Variants in SMG9 observed in about 807,000 individuals in gnomAD.
The protein encoded by SMG9 is SMG9 nonsense mediated mRNA decay factor.
In SMG9, 55 loss-of-function variants were observed where a neutral mutation model predicts 64.0. The observed-to-expected ratio is 0.86, with a 90% CI of 0.69 to 1.08. The LOEUF (loss-of-function observed/expected upper bound fraction) is 1.08, where lower values mean the gene tolerates loss of function less well. Ranked by LOEUF, SMG9 falls within the 50% of genes least tolerant of loss-of-function variation. The probability of loss-of-function intolerance (pLI) is 0.00; values close to 1 mark genes in which losing one functional copy is unlikely to be tolerated. For missense variants in SMG9, 554 were observed against 681.3 expected, an observed-to-expected ratio of 0.81 and a Z score of 2.08; for synonymous variants, 244 against 254.8, an observed-to-expected ratio of 0.96 and a Z score of 0.41.
chr19:43,750,501 T>C (rs1334032843), intron 2 of SMG9, 91 bp downstream of exon 2: 2 of 1,441,470 alleles, frequency 1.4e-6, no homozygotes, highest in African/African-American at 2.8e-5. Flanking sequence ...TTTACAAATA[T>C]ATCCCCGGCA....
chr19:43,748,747 C>T (rs974325820), intron 2 of SMG9: 3 of 520,068 alleles, frequency 5.8e-6, no homozygotes, highest in Admixed American at 1.9e-5. Flanking sequence ...CCTTGAGTAA[C>T]CTCATGAGAG....
chr19:43,732,769 AC>A, intron 13 of SMG9, 88 bp downstream of exon 13: 2 of 1,522,656 alleles, frequency 1.3e-6, no homozygotes, highest in South Asian at 2.3e-5. Context: ...GAGGGGCTTC[AC>A]AAGGTCATGC....
At chr19:43,751,892 A>G (rs557708385) in intron 1 of SMG9, among the ~76,000 whole-genome samples, 1 of 152,368 alleles carries the variant, frequency 6.6e-6, no homozygotes, top group South Asian at 2.1e-4. Flanking sequence ...TGCAGCCAAA[A>G]CTATTCCCAA....
chr19:43,753,052 A>G (rs979697757), intron 1 of SMG9, among the ~76,000 whole-genome samples: 5 of 151,752 alleles, frequency 3.3e-5, no homozygotes, highest in Non-Finnish European at 7.4e-5. Context: ...TCCAGAATGG[A>G]AGGGTCTGTT....
chr19:43,753,587 A>G (rs1008044935), intron 1 of SMG9, among the ~76,000 whole-genome samples: 1 of 150,776 alleles, frequency 6.6e-6, no homozygotes, highest in Admixed American at 6.6e-5. Flanking sequence ...CAGCCTCCCA[A>G]GTAGGTGGGA....
chr19:43,753,452 G>A (rs1969253939), intron 1 of SMG9, among the ~76,000 whole-genome samples: 2 of 148,810 alleles, frequency 1.3e-5, no homozygotes, highest in African/African-American at 5.0e-5. Flanking sequence ...CTGTGTGAAT[G>A]CTTTTCTTTT....
In SMG9 at chr19:43,729,135, T is replaced by C; in HGVS notation, c.*2461A>G. 1 of 694,890 alleles carries C rather than the reference T, an allele frequency of 1.4e-6. No individual in the cohort carries two copies. 43.0% of individuals were successfully genotyped at this position (694,890 alleles called of 1,614,324 possible). The stretch of plus-strand genomic sequence containing the variant: ...TGCCAGTTTGACTCCTCTGTCAAAC[T>C]GCCTCAACGAGCCAGCCCCTGCACA... On this transcript the variant is annotated 3_prime_UTR_variant, in exon 14 of 14. Transcript: ENST00000270066.
At position 43,730,609 on chromosome 19, in the gene SMG9, T is replaced by C. The variant is rs1023745942; in HGVS notation, c.*987A>G. The C allele has an allele frequency of 2.7e-4, 41 of 152,020 alleles. No homozygotes were observed. The highest frequency in any genetic ancestry group is 9.9e-4 in the African/African-American group (41 of 41,440). 9.4% of individuals were successfully genotyped at this position (152,020 alleles called of 1,614,324 possible). A position where few individuals can be genotyped will look rare whatever the true frequency, so the allele number is the denominator to read the frequency against. ...CGGAGTCTCGCTCTGTTGCCCAAGC[T>C]GGAGAGTGCAGTGGCGTGATCTTGG... On this transcript the variant is annotated 3_prime_UTR_variant, in exon 14 of 14. Transcript: ENST00000270066.
At chr19:43,751,876 C>G (rs1969200182) in intron 1 of SMG9, among the ~76,000 whole-genome samples, 1 of 152,244 alleles carries the variant, frequency 6.6e-6, no homozygotes, top group Non-Finnish European at 1.5e-5. Flanking sequence ...ACATCTATCT[C>G]TTACTTGCAG....
rs745541711 is a variant in SMG9, at chr19:43,739,166, G to A, written c.813+941C>T. ...AGTGGAAGGGGAGGGCTTCTGAGAG[G>A]AGGCCACACCCCAGTGGAGTCTTGA... On this transcript the variant is annotated intron_variant, in intron 7 of 13. Coordinates refer to ENST00000270066, the MANE Select transcript of SMG9 (RefSeq NM_019108.4). Among the ~76,000 whole-genome samples the A allele has an allele frequency of 2.6e-5, 4 of 152,248 alleles. No homozygotes were observed. In the South Asian group the frequency reaches 8.3e-4, roughly 31 times the overall value.
At chr19:43,733,557 A>T (rs1281363634) in intron 11 of SMG9, 69 bp downstream of exon 11, 2 of 1,606,498 alleles carry the variant, frequency 1.2e-6, no homozygotes, top group Non-Finnish European at 1.7e-6. Context: ...GGGGGTAGAG[A>T]CTGACCCACG....
intron 1 of SMG9, among the ~76,000 whole-genome samples, chr19:43,751,929 ACT>A (rs1378147772): frequency 1.3e-5 from 2 of 152,192 alleles, no homozygotes; most frequent in African/African-American, 4.8e-5. Context: ...ACATAAATAA[ACT>A]CACAGGGGCA....
chr19:43,738,895 C>G (rs1047544804), intron 7 of SMG9, among the ~76,000 whole-genome samples: 1 of 152,206 alleles, frequency 6.6e-6, no homozygotes, highest in Non-Finnish European at 1.5e-5. Context: ...TCTCCATGGC[C>G]CCTGCACAGG....
rs143775531 is a variant in SMG9, at chr19:43,747,633, G to A, written c.490C>T (p.Pro164Ser). ...CTGGTACTGCCCAGCCCCAACTCAC[G>A]GTCCATGGCTGCTGGTGCGGCAGTG... The part of the protein sequence containing the change: ...MGTAAPAAMD[P>S]VVGQAKLLPP... Residue 164 changes from proline to serine, a missense_variant and splice_region_variant, in exon 4 of 14, where the codon CCT becomes TCT. Pro to Ser is a moderately conservative substitution (Grantham distance 74). Transcript: ENST00000270066. 2.7e-5 allele frequency: 44 copies of A among 1,613,766 alleles called. No individual in the cohort carries two copies. The highest frequency in any genetic ancestry group is 3.3e-4 in the Middle Eastern group (2 of 6,082).
intron 6 of SMG9, among the ~76,000 whole-genome samples, chr19:43,744,307 G>C (rs148815678): frequency 6.6e-6 from 1 of 152,140 alleles, no homozygotes; most frequent in Non-Finnish European, 1.5e-5. Context: ...TTCTCAGATC[G>C]TATCAGCTAC....
intron 5 of SMG9, among the ~76,000 whole-genome samples, chr19:43,746,569 G>C (rs1340764130): frequency 6.6e-6 from 1 of 152,162 alleles, no homozygotes; most frequent in African/African-American, 2.4e-5. Context: ...ATGGACTTGA[G>C]GCTGTGCTAA....
chr19:43,740,420 G>T (rs1968813433), intron 6 of SMG9, among the ~76,000 whole-genome samples: 1 of 152,120 alleles, frequency 6.6e-6, no homozygotes, highest in Non-Finnish European at 1.5e-5. Context: ...TATCCATAAA[G>T]AGATCCATTA....
intron 13 of SMG9, chr19:43,732,128 C>T (rs1245469650): frequency 6.1e-6 from 1 of 164,628 alleles, no homozygotes; most frequent in East Asian, 1.8e-4. Context: ...CCATCTCTGC[C>T]CTACAAGCCC....
chr19:43,753,645 G>T lies in SMG9; in HGVS notation c.-7+1009C>A, dbSNP rs567756536. Among the ~76,000 whole-genome samples the T allele has an allele frequency of 4.6e-5, 7 of 152,046 alleles. No individual in the cohort carries two copies. The South Asian group carries it at 1.5e-3, about 32-fold the overall frequency. Reference sequence around the variant, plus strand: ...CGGGCTAAGTTTTGCATTTTCAGTAGAGACGGGGTTTCGCCATGTTGGCCA... The same window carrying T: ...CGGGCTAAGTTTTGCATTTTCAGTATAGACGGGGTTTCGCCATGTTGGCCA... On this transcript the variant is annotated intron_variant, in intron 1 of 13. Transcript: ENST00000270066.
Sources: allele counts gnomAD v4.1 joint callset (sites outside exome capture counted in the v4.1 genomes callset), GRCh38; gene constraint gnomAD v4.1.1; transcripts MANE v1.5; gene names NCBI Gene and HGNC (gene_info 2026-07-23, HGNC 2026-07-21).